The following GPHN variants were observed in gnomAD, a reference collection of about 807,000 sequenced individuals.
GPHN encodes the protein gephyrin.
A neutral mutation model predicts 95.5 loss-of-function variants in GPHN; 17 were observed. The observed-to-expected ratio is 0.18, with a 90% CI of 0.12 to 0.27. The LOEUF is 0.27. Among genes scored for constraint, GPHN ranks in the 10% least tolerant of loss-of-function variants. The pLI is 1.00. For synonymous variants in GPHN, 320 were observed against 322.5 expected, an observed-to-expected ratio of 0.99 and a Z score of 0.08; for missense variants, 660 against 978.1, an observed-to-expected ratio of 0.67 and a Z score of 4.34.
chr14:66,837,723 C>G (rs1037360188), intron 4 of GPHN, among the ~76,000 whole-genome samples: 1 of 151,488 alleles, frequency 6.6e-6, no homozygotes, highest in Non-Finnish European at 1.5e-5. Context: ...GTACATTGTT[C>G]CTTGAGGTCA....
chr14:67,024,445 G>GA (rs375382433), intron 10 of GPHN, among the ~76,000 whole-genome samples: 24 of 152,252 alleles, frequency 1.6e-4, no homozygotes, highest in Non-Finnish European at 3.5e-4. Flanking sequence ...AAGTACAGGG[G>GA]AATCATACTG....
chr14:67,359,197 T>G, the GPHN span, among the ~76,000 whole-genome samples: 1,506 of 152,332 alleles, frequency 9.9e-3, 10 homozygotes, highest in Non-Finnish European at 0.015. Context: ...CCATCCCCAC[T>G]TTGGCTTAGG....
At chr14:67,356,434 C>CAAAAAAAAAAAAAA in the GPHN span, among the ~76,000 whole-genome samples, 1 of 129,740 alleles carries the variant, frequency 7.7e-6, no homozygotes. Context: ...AAAACAAAAA[C>CAAAAAAAAAAAAAA]AAAAAAAAAA....
the GPHN span, chr14:67,678,559 T>TTA: frequency 1.7e-6 from 1 of 588,296 alleles, no homozygotes; most frequent in Non-Finnish European, 3.0e-6. Context: ...GTGTTTGTCC[T>TTA]TATCTCTTCA....
chr14:67,316,575 G>A, the GPHN span, among the ~76,000 whole-genome samples: 1 of 151,996 alleles, frequency 6.6e-6, no homozygotes, highest in East Asian at 1.9e-4. Flanking sequence ...TTAAAAAGTT[G>A]AACTATTAAA....
At chr14:66,762,804 TA>T (rs1362469243) in intron 2 of GPHN, among the ~76,000 whole-genome samples, 3 of 151,962 alleles carry the variant, frequency 2.0e-5, no homozygotes, top group African/African-American at 4.8e-5. Flanking sequence ...TTTACCAAAA[TA>T]GTAGAAAAAA....
the GPHN span, chr14:67,380,590 A>T: frequency 1.3e-6 from 1 of 777,562 alleles, no homozygotes; most frequent in South Asian, 2.6e-5. Context: ...ATTGTTCCAT[A>T]GTGTTTGGTT....
chr14:67,499,375 C>A, the GPHN span, among the ~76,000 whole-genome samples: 2 of 152,166 alleles, frequency 1.3e-5, no homozygotes, highest in Non-Finnish European at 2.9e-5. Flanking sequence ...GAAAACTATT[C>A]AGTTTGGCAC....
At chr14:67,059,207 C>T (rs1036552704) in intron 11 of GPHN, among the ~76,000 whole-genome samples, 3 of 151,976 alleles carry the variant, frequency 2.0e-5, no homozygotes, top group African/African-American at 7.2e-5. Flanking sequence ...TTTGGAAAAC[C>T]TGTATTTAAA....
chr14:66,781,223 CTT>C (rs764447609), intron 3 of GPHN, among the ~76,000 whole-genome samples: 21 of 141,684 alleles, frequency 1.5e-4, no homozygotes, highest in Admixed American at 2.1e-4. Flanking sequence ...TGACTTCTTT[CTT>C]TTTTTTTTTT....
At chr14:67,488,452 TC>T in the GPHN span, 1 of 152,490 alleles carries the variant, frequency 6.6e-6, no homozygotes, top group Non-Finnish European at 1.5e-5. Flanking sequence ...TGCCTCCCCC[TC>T]CCCAGCTCCT....
chr14:67,606,326 CT>C, the GPHN span, among the ~76,000 whole-genome samples: 1 of 152,140 alleles, frequency 6.6e-6, no homozygotes, highest in Non-Finnish European at 1.5e-5. Flanking sequence ...CAACTTAAGT[CT>C]AGGAACACAC....
At chr14:67,446,674 G>A in the GPHN span, among the ~76,000 whole-genome samples, 6 of 152,208 alleles carry the variant, frequency 3.9e-5, no homozygotes, top group African/African-American at 1.2e-4. Context: ...ATGGCGCAGA[G>A]CAGGGAGGGA....
chr14:67,332,605 C>T, the GPHN span, among the ~76,000 whole-genome samples: 1 of 152,004 alleles, frequency 6.6e-6, no homozygotes, highest in Non-Finnish European at 1.5e-5. Flanking sequence ...CGTGAAGATG[C>T]CAAAGCAAAG....
At chr14:66,519,381 A>G (rs1369216699) in intron 1 of GPHN, among the ~76,000 whole-genome samples, 1 of 152,104 alleles carries the variant, frequency 6.6e-6, no homozygotes, top group African/African-American at 2.4e-5. Context: ...TGTGTATCAT[A>G]CAATACATCA....
chr14:67,691,972 T>C, the GPHN span: 2 of 156,152 alleles, frequency 1.3e-5, no homozygotes, highest in South Asian at 3.9e-4. Flanking sequence ...TATCCATCTA[T>C]GTCTAAAGAG....
At chr14:67,184,808 A>G (rs562984859), downstream of GPHN, among the ~76,000 whole-genome samples, 2 of 152,296 alleles carry the variant, frequency 1.3e-5, no homozygotes, top group East Asian at 3.9e-4. Flanking sequence ...GCAAGGGTGG[A>G]TGGAAAAGAT....
rs76247390 is a variant in GPHN at position 66,974,425 on chromosome 14, A to G, written c.963+9100A>G. On this transcript the variant is annotated intron_variant, in intron 9 of 22. Coordinates refer to ENST00000478722, the MANE Select transcript of GPHN (RefSeq NM_020806.5). Reference sequence around the variant, plus strand: ...AATTGAAAATGAAACTTCCCCATCTATTTCTAATTATTTAATGGTCACAGA... The same window carrying G: ...AATTGAAAATGAAACTTCCCCATCTGTTTCTAATTATTTAATGGTCACAGA... Among the ~76,000 whole-genome samples, 835 of 151,978 alleles carry G rather than the reference A, an allele frequency of 5.5e-3. 3 individuals carry two copies. The highest frequency in any genetic ancestry group is 0.019 in the African/African-American group (797 of 41,472).
intron 1 of GPHN, among the ~76,000 whole-genome samples, chr14:66,639,169 A>G (rs2064261552): frequency 6.6e-6 from 1 of 150,678 alleles, no homozygotes; most frequent in South Asian, 2.1e-4. Context: ...CAGATAATGT[A>G]GAAATGAAAA....
Sources: allele counts gnomAD v4.1 joint callset (sites outside exome capture counted in the v4.1 genomes callset), GRCh38; gene constraint gnomAD v4.1.1; transcripts MANE v1.5; gene names NCBI Gene and HGNC (gene_info 2026-07-23, HGNC 2026-07-21).